The following PDXDC1 variants were observed in gnomAD, a reference collection of about 807,000 sequenced individuals.
PDXDC1 encodes pyridoxal dependent decarboxylase domain containing 1.
PDXDC1 carries 42 observed loss-of-function variants against 100.1 expected under a neutral mutation model. The ratio of observed to expected loss-of-function variants is 0.42; its 90% CI spans 0.33 to 0.54. PDXDC1 has a LOEUF of 0.54. Among genes scored for constraint, PDXDC1 ranks in the 20% least tolerant of loss-of-function variants. The pLI is 0.10. For missense variants in PDXDC1, 636 were observed against 979.2 expected (o/e 0.65, Z 4.68); for synonymous variants, 260 against 371.7 (o/e 0.70, Z 3.46).
chr16:15,046,213 T>A (rs903189807), intron 16 of PDXDC1, among the ~76,000 whole-genome samples: 1 of 152,188 alleles, frequency 6.6e-6, no homozygotes, highest in African/African-American at 2.4e-5. Context: ...GAGGGAGAAT[T>A]TAGAATCGAC....
At chr16:15,034,970 C>G (rs1031907669) in intron 21 of PDXDC1, among the ~76,000 whole-genome samples, 1 of 152,194 alleles carries the variant, frequency 6.6e-6, no homozygotes, top group Non-Finnish European at 1.5e-5. Flanking sequence ...TATTTTGAAC[C>G]AGGCAGCCAG....
downstream of PDXDC1, among the ~76,000 whole-genome samples, chr16:15,143,096 G>C (rs972115373): frequency 1.3e-5 from 2 of 152,164 alleles, no homozygotes; most frequent in Non-Finnish European, 1.5e-5. Flanking sequence ...ACCCCCATGG[G>C]GGGCAGGACG....
intron 16 of PDXDC1, among the ~76,000 whole-genome samples, chr16:15,122,209 A>T (rs1235467113): frequency 6.6e-6 from 1 of 151,854 alleles, no homozygotes; most frequent in Non-Finnish European, 1.5e-5. Flanking sequence ...AGATGACACA[A>T]ATCAAATGAC....
At chr16:15,094,135 T>G in intron 16 of PDXDC1, 1 of 1,590,374 alleles carries the variant, frequency 6.3e-7, no homozygotes, top group East Asian at 2.3e-5. Flanking sequence ...GGAAGCGGCC[T>G]GAATCTTACC....
intron 15 of PDXDC1, chr16:15,029,646 A>G: frequency 2.0e-6 from 1 of 506,756 alleles, no homozygotes; most frequent in African/African-American, 1.9e-5. Context: ...CTAGGAGAAA[A>G]GACGCTGGGG....
At chr16:15,131,467 C>A in intron 16 of PDXDC1, 1 of 1,607,904 alleles carries the variant, frequency 6.2e-7, no homozygotes, top group Non-Finnish European at 8.5e-7. Flanking sequence ...GCAGCCAGGC[C>A]CTGGGGCGCC....
chr16:15,051,630 G>T (rs962346635), intron 16 of PDXDC1, among the ~76,000 whole-genome samples: 1 of 151,854 alleles, frequency 6.6e-6, no homozygotes, highest in Non-Finnish European at 1.5e-5. Flanking sequence ...AACCACAGGC[G>T]CACGCCACCA....
chr16:15,017,677 G>A (rs2041892478), intron 11 of PDXDC1, among the ~76,000 whole-genome samples: 1 of 152,258 alleles, frequency 6.6e-6, no homozygotes, highest in African/African-American at 2.4e-5. Context: ...AAATAATGAA[G>A]CAGTGAACGT....
chr16:15,038,850 G>C (rs181041446), downstream of PDXDC1, among the ~76,000 whole-genome samples: 887 of 152,306 alleles, frequency 5.8e-3, 35 homozygotes, highest in Admixed American at 0.054. Flanking sequence ...AACACGTCCA[G>C]TGTGTCTGCT....
At chr16:15,148,323 G>A in the PDXDC1 span, among the ~76,000 whole-genome samples, 1 of 147,940 alleles carries the variant, frequency 6.8e-6, no homozygotes, top group Non-Finnish European at 1.5e-5. Flanking sequence ...ACACGCTGTT[G>A]GCCATCTGTG....
At chr16:15,132,827 T>C (rs2048170973) in intron 16 of PDXDC1, 2 of 1,531,040 alleles carry the variant, frequency 1.3e-6, no homozygotes, top group Non-Finnish European at 1.8e-6. Context: ...GGCTCGGCGC[T>C]GCCGCTCGTG....
rs1567681063 is a variant in PDXDC1 at position 15,017,396 on chromosome 16, C to G, written c.937C>G (p.Leu313Val). 1 of 1,614,208 alleles carries G rather than the reference C, an allele frequency of 6.2e-7. No individual in the cohort carries two copies. The highest frequency in any genetic ancestry group is 1.7e-5 in the Admixed American group (1 of 60,026). Residue 313 changes from leucine (L) to valine (V), a missense_variant, in exon 11 of 23, where the codon CTG (leucine) becomes GTG (valine). Physicochemically the swap from Leu to Val is conservative, Grantham distance 32 (BLOSUM62 1). Around this residue, in one of 4 missense-constraint regions of PDXDC1, gnomAD observed 125 missense variants for 479.9 expected, o/e 0.26. Transcript: ENST00000396410. ...LGLPAVPAVT[L>V]YKHDDPALTL... ...TTTGCCAGCTGTTCCTGCGGTGACACTGTATAAACACGATGACCCTGCCTT... is the reference window on the plus strand; with the variant it reads ...TTTGCCAGCTGTTCCTGCGGTGACAGTGTATAAACACGATGACCCTGCCTT...
chr16:15,086,570 C>T, intron 16 of PDXDC1: 2 of 1,472,356 alleles, frequency 1.4e-6, no homozygotes, highest in Non-Finnish European at 1.8e-6. Context: ...AGGTCACAAA[C>T]TTGGAAGGAA....
At chr16:15,125,270 C>A (rs2047646716) in intron 16 of PDXDC1, 3 of 592,878 alleles carry the variant, frequency 5.1e-6, no homozygotes, top group South Asian at 3.8e-5. Context: ...ATGGACGGGT[C>A]ACTGAGCAGG....
intron 16 of PDXDC1, among the ~76,000 whole-genome samples, chr16:15,102,699 C>T (rs1346441740): frequency 5.6e-5 from 8 of 143,138 alleles, no homozygotes; most frequent in African/African-American, 2.1e-4. Context: ...ACCTGTAATC[C>T]CAGCATTTGG....
chr16:15,080,749 T>G (rs2045663543), intron 16 of PDXDC1, among the ~76,000 whole-genome samples: 1 of 152,098 alleles, frequency 6.6e-6, no homozygotes, highest in Non-Finnish European at 1.5e-5. Context: ...TTAATCACGC[T>G]AAAAAGAAAT....
At position 15,038,053 on chromosome 16, in the gene PDXDC1, T is replaced by C; in HGVS notation, c.*1778T>C. 1 of 1,612,594 alleles carries C rather than the reference T, an allele frequency of 6.2e-7. No individual in the cohort carries two copies. The highest frequency in any genetic ancestry group is 1.1e-5 in the South Asian group (1 of 90,782). Reference sequence around the variant, plus strand: ...TTTTTAACTTCCTGGAGAAGAGATCTTTTCCCACAAGCCATCTTCATTTTT... The same window carrying C: ...TTTTTAACTTCCTGGAGAAGAGATCCTTTCCCACAAGCCATCTTCATTTTT... On this transcript the variant is annotated 3_prime_UTR_variant, in exon 23 of 23. Transcript: ENST00000396410.
At chr16:14,984,426 C>T (rs1968776023) in intron 1 of PDXDC1, among the ~76,000 whole-genome samples, 2 of 123,134 alleles carry the variant, frequency 1.6e-5, no homozygotes, top group African/African-American at 5.9e-5. Flanking sequence ...TTCCAAATCA[C>T]ATAAAAGTGA....
intron 16 of PDXDC1, among the ~76,000 whole-genome samples, chr16:15,128,850 G>A (rs2047903579): frequency 1.3e-5 from 2 of 148,684 alleles, no homozygotes; most frequent in African/African-American, 2.5e-5. Flanking sequence ...GTGTCACCCA[G>A]GCTGGAGTGC....
Sources: allele counts gnomAD v4.1 joint callset (sites outside exome capture counted in the v4.1 genomes callset), GRCh38; gene constraint gnomAD v4.1.1; regional missense constraint gnomAD v4.1.1; transcripts MANE v1.5; gene names NCBI Gene and HGNC (gene_info 2026-07-23, HGNC 2026-07-21).